The following RPH3A variants were observed in gnomAD, a reference collection of about 807,000 sequenced individuals.
RPH3A encodes the protein rabphilin 3A, also known as rabphilin-3A.
In RPH3A, 48 loss-of-function variants were observed where a neutral mutation model predicts 102.2. The observed-to-expected ratio is 0.47, with a 90% CI of 0.37 to 0.60. The LOEUF (loss-of-function observed/expected upper bound fraction) is 0.60. Ranked by LOEUF, RPH3A falls within the 20% of genes least tolerant of loss-of-function variation. RPH3A has a pLI of 0.00. For missense variants in RPH3A, 781 were observed against 910.1 expected, an observed-to-expected ratio of 0.86 and a Z score of 1.83; for synonymous variants, 310 against 324.3, an observed-to-expected ratio of 0.96 and a Z score of 0.47.
At chr12:112,711,568 C>G (rs1179918730) in intron 1 of RPH3A, among the ~76,000 whole-genome samples, 1 of 152,206 alleles carries the variant, frequency 6.6e-6, no homozygotes, top group Non-Finnish European at 1.5e-5. Flanking sequence ...GGAATTTACT[C>G]AAGCACTTCA....
rs543817449 is a variant in RPH3A at position 112,690,770 on chromosome 12, C to A, written c.-139-101373C>A. Among the ~76,000 whole-genome samples the A allele has an allele frequency of 9.1e-4, 138 of 152,142 alleles. 1 individual carries two copies. The highest frequency in any genetic ancestry group is 3.3e-3 in the African/African-American group (136 of 41,498). ...GAAGAGCAAATGGATTTCCACTTGC[C>A]GTATGTATACAAATATTTCTTTTTA... On this transcript the variant is annotated intron_variant, in intron 1 of 21. Coordinates refer to the RPH3A transcript ENST00000543106.
intron 1 of RPH3A, among the ~76,000 whole-genome samples, chr12:112,757,043 CT>C (rs1198570510): frequency 1.3e-5 from 2 of 152,202 alleles, no homozygotes; most frequent in Non-Finnish European, 2.9e-5. Context: ...TCTATGAACT[CT>C]CTATTCATTA....
intron 5 of RPH3A, among the ~76,000 whole-genome samples, chr12:112,862,702 G>T (rs957589789): frequency 6.6e-6 from 1 of 152,218 alleles, no homozygotes; most frequent in Admixed American, 6.5e-5. Flanking sequence ...CACAGCGGAG[G>T]CTCCAGAGCC....
At chr12:112,589,283 G>A (rs1231937411) in intron 1 of RPH3A, among the ~76,000 whole-genome samples, 1 of 152,056 alleles carries the variant, frequency 6.6e-6, no homozygotes, top group African/African-American at 2.4e-5. Context: ...CTTACAAACT[G>A]TGCTTTCTCT....
At chr12:112,586,511 G>GTGAA (rs2039440336) in intron 1 of RPH3A, among the ~76,000 whole-genome samples, 1 of 152,096 alleles carries the variant, frequency 6.6e-6, no homozygotes, top group Non-Finnish European at 1.5e-5. Flanking sequence ...CATGGCAAGG[G>GTGAA]TGAAGGCTAT....
At chr12:112,816,335 A>G (rs4767012) in intron 2 of RPH3A, among the ~76,000 whole-genome samples, 40,268 of 152,074 alleles carry the variant, frequency 0.26, 8,964 homozygotes, top group African/African-American at 0.6. Flanking sequence ...CTTCTGGCCC[A>G]TAGAAAACAC....
intron 1 of RPH3A, among the ~76,000 whole-genome samples, chr12:112,766,375 G>A (rs1004767506): frequency 2.6e-5 from 4 of 152,178 alleles, no homozygotes; most frequent in African/African-American, 7.2e-5. Flanking sequence ...CTCAAGAAAG[G>A]CTAGTGATTA....
At chr12:112,773,249 T>C (rs2040940250) in intron 1 of RPH3A, among the ~76,000 whole-genome samples, 1 of 152,230 alleles carries the variant, frequency 6.6e-6, no homozygotes, top group African/African-American at 2.4e-5. Context: ...GAAATTTAAA[T>C]GGGAGGAGAA....
At chr12:112,855,435 C>A (rs1046936404) in intron 5 of RPH3A, among the ~76,000 whole-genome samples, 1 of 152,192 alleles carries the variant, frequency 6.6e-6, no homozygotes, top group Non-Finnish European at 1.5e-5. Flanking sequence ...GCTGAGCCCT[C>A]CAGTGGTCTT....
intron 2 of RPH3A, among the ~76,000 whole-genome samples, chr12:112,806,170 CA>C (rs1194537880): frequency 6.6e-6 from 1 of 152,166 alleles, no homozygotes; most frequent in East Asian, 1.9e-4. Context: ...TCACTTACTG[CA>C]AATACCTTTT....
chr12:112,784,221 C>T (rs1398865546), intron 1 of RPH3A, among the ~76,000 whole-genome samples: 1 of 152,216 alleles, frequency 6.6e-6, no homozygotes, highest in African/African-American at 2.4e-5. Context: ...GTCATAAAGA[C>T]ATCTGAACTT....
chr12:112,632,874 A>G (rs2039816351), intron 1 of RPH3A, among the ~76,000 whole-genome samples: 1 of 152,114 alleles, frequency 6.6e-6, no homozygotes, highest in Non-Finnish European at 1.5e-5. Context: ...CTTTCAGTCT[A>G]TAGTAAGGAG....
chr12:112,646,591 G>A (rs1237113363), intron 1 of RPH3A, among the ~76,000 whole-genome samples: 1 of 152,160 alleles, frequency 6.6e-6, no homozygotes, highest in Non-Finnish European at 1.5e-5. Flanking sequence ...AAGAGGCTTG[G>A]GGAGCCTCCC....
chr12:112,854,890 G>A (rs978326320), intron 5 of RPH3A, among the ~76,000 whole-genome samples: 8 of 152,146 alleles, frequency 5.3e-5, no homozygotes, highest in African/African-American at 1.4e-4. Flanking sequence ...GATGATTTCG[G>A]GGATTCAGAG....
intron 1 of RPH3A, among the ~76,000 whole-genome samples, chr12:112,676,233 G>A (rs1026098402): frequency 2.0e-5 from 3 of 152,062 alleles, no homozygotes; most frequent in African/African-American, 7.2e-5. Flanking sequence ...TGTCCTCTGA[G>A]GGTAGACAGG....
intron 1 of RPH3A, among the ~76,000 whole-genome samples, chr12:112,610,318 C>T (rs1356605508): frequency 2.0e-5 from 3 of 152,074 alleles, no homozygotes. Context: ...GCCTGGCTAA[C>T]ATGGTGAAAC....
At chr12:112,891,999 A>G (rs2043104608) in intron 19 of RPH3A, among the ~76,000 whole-genome samples, 1 of 152,252 alleles carries the variant, frequency 6.6e-6, no homozygotes, top group African/African-American at 2.4e-5. Context: ...AATGGAGACA[A>G]GAGTTCCACT....
intron 10 of RPH3A, among the ~76,000 whole-genome samples, chr12:112,870,492 C>T (rs1311129851): frequency 6.6e-6 from 1 of 152,080 alleles, no homozygotes; most frequent in African/African-American, 2.4e-5. Context: ...GGGTACCTCA[C>T]ATTTCTGGCC....
intron 10 of RPH3A, among the ~76,000 whole-genome samples, 197 bp downstream of exon 10, chr12:112,870,236 C>G (rs902080943): frequency 6.6e-6 from 1 of 150,822 alleles, no homozygotes; most frequent in Non-Finnish European, 1.5e-5. Context: ...CTCTAGACAT[C>G]CATAATTTTG....
Sources: gnomAD v4.1 joint callset for allele counts (sites outside exome capture counted in the v4.1 genomes callset) on GRCh38, gnomAD v4.1.1 for gene constraint, MANE v1.5 for transcripts, NCBI Gene and HGNC (gene_info 2026-07-23, HGNC 2026-07-21) for gene names.